NTRK3: variants seen among roughly 807,000 people sequenced by gnomAD.
The protein encoded by NTRK3 is NT-3 growth factor receptor.
In NTRK3, 24 loss-of-function variants were observed where a neutral mutation model predicts 91.7. The ratio of observed to expected loss-of-function variants is 0.26; its 90% confidence interval spans 0.19 to 0.37. The LOEUF (loss-of-function observed/expected upper bound fraction) is 0.37, where lower values mean the gene tolerates loss of function less well. NTRK3 is among the 10% of genes least tolerant of loss of function. The pLI, the probability that NTRK3 is intolerant of heterozygous loss-of-function variation, is 1.00. For synonymous variants in NTRK3, 483 were observed against 404.0 expected (o/e 1.20, Z -2.34); for missense variants, 880 against 1,068.9 (o/e 0.82, Z 2.46).
intron 5 of NTRK3, among the ~76,000 whole-genome samples, chr15:88,153,859 G>T (rs2043631161): frequency 6.6e-6 from 1 of 151,686 alleles, no homozygotes; most frequent in African/African-American, 2.4e-5. Context: ...ACCTCCCAAA[G>T]GCCCTGCCTC....
chr15:88,083,684 G>A (rs1391973663), intron 13 of NTRK3, among the ~76,000 whole-genome samples: 1 of 152,194 alleles, frequency 6.6e-6, no homozygotes, highest in East Asian at 1.9e-4. Context: ...CACCCCGCTG[G>A]CTCAAAGTCA....
chr15:88,208,729 G>A (rs1597964294), intron 3 of NTRK3, among the ~76,000 whole-genome samples: 1 of 152,198 alleles, frequency 6.6e-6, no homozygotes, highest in South Asian at 2.1e-4. Flanking sequence ...GTGGTAAGCT[G>A]AAGCAGTCAA....
chr15:88,256,423 C>T lies in NTRK3; in HGVS notation c.-155G>A, dbSNP rs541873923. ...GGTCTGCCGGGCATGGTGGCCGGCT[C>T]GGCGATCGCTGACTCGCCGGGTCCG... is the stretch of plus-strand genomic sequence containing the variant. On this transcript the variant is annotated 5_prime_UTR_variant, in exon 2 of 19. Transcript: ENST00000394480. The T allele has an allele frequency of 3.7e-4, 201 of 541,696 alleles. No homozygotes were observed. The African/African-American group carries it at 3.8e-3, about 10-fold the overall frequency. 33.6% of individuals were successfully genotyped at this position (541,696 alleles called of 1,614,324 possible). A position where few individuals can be genotyped will look rare whatever the true frequency, so the allele number is the denominator to read the frequency against.
intron 13 of NTRK3, among the ~76,000 whole-genome samples, chr15:88,066,230 G>T (rs951070882): frequency 6.6e-6 from 1 of 152,152 alleles, no homozygotes; most frequent in East Asian, 1.9e-4. Flanking sequence ...CAATGGGCAC[G>T]TCAGACATGT....
chr15:87,873,785 C>T (rs898045266), exon 19 of NTRK3: 7 of 231,790 alleles, frequency 3.0e-5, no homozygotes, highest in African/African-American at 1.5e-4. Context: ...ACCAAATGCT[C>T]CCCTCCTGGC....
At chr15:87,903,505 G>C (rs1260542333) in intron 17 of NTRK3, among the ~76,000 whole-genome samples, 1 of 152,148 alleles carries the variant, frequency 6.6e-6, no homozygotes, top group Non-Finnish European at 1.5e-5. Flanking sequence ...TGTTCTAGGG[G>C]CTTGCTCTGC....
In NTRK3 at chr15:88,101,611, C is replaced by A. The variant is rs145634643; in HGVS notation, c.1396+24660G>T. Among the ~76,000 whole-genome samples, 44 of 152,312 alleles carry A rather than the reference C, an allele frequency of 2.9e-4. No individual in the cohort carries two copies. In the East Asian group the frequency reaches 7.3e-3, roughly 25 times the overall value. On this transcript the variant is annotated intron_variant, in intron 13 of 18. Coordinates refer to ENST00000394480, the Ensembl canonical transcript of NTRK3. Reference sequence around the variant, plus strand: ...TATTCACAATAGCAAAGACTTGCAACCAACCCAAATGTCCAACAATGATAG... The same window carrying A: ...TATTCACAATAGCAAAGACTTGCAAACAACCCAAATGTCCAACAATGATAG...
rs542522578 is a variant in NTRK3 at position 87,914,693 on chromosome 15, T to C, written c.2133+14498A>G. 2.6e-5 allele frequency among the ~76,000 whole-genome samples: 4 copies of C among 152,122 alleles called. No individual in the cohort carries two copies. In the South Asian group the frequency reaches 8.3e-4, roughly 32 times the overall value. On this transcript the variant is annotated intron_variant, in intron 17 of 18. Transcript: ENST00000394480. ...GTGTCTCAGGATGTGAAAAAATAAATACAAAGATCAGGAAGTTGGGGATTG... is the reference window on the plus strand; with the variant it reads ...GTGTCTCAGGATGTGAAAAAATAAACACAAAGATCAGGAAGTTGGGGATTG...
intron 14 of NTRK3, among the ~76,000 whole-genome samples, chr15:88,007,094 G>A (rs114071287): frequency 1.8e-4 from 28 of 152,194 alleles, no homozygotes; most frequent in African/African-American, 6.7e-4. Flanking sequence ...CATGACCCCC[G>A]GCCTCCAAAA....
intron 5 of NTRK3, among the ~76,000 whole-genome samples, chr15:88,173,040 T>G (rs2045663602): frequency 6.6e-6 from 1 of 152,168 alleles, no homozygotes; most frequent in Non-Finnish European, 1.5e-5. Context: ...GCTTGGTGAA[T>G]TCTGCGGTGC....
rs74027791 is a variant in NTRK3 at position 88,175,960 on chromosome 15, G to A, written c.395+7458C>T. On this transcript the variant is annotated intron_variant, in intron 5 of 18. Coordinates refer to ENST00000394480, the Ensembl canonical transcript of NTRK3. Reference sequence around the variant, plus strand: ...AGCTTAAGCAGGATGTTTGATGGAAGCTCTGAGCAAGAAGAACTGAATGAG... The same window carrying A: ...AGCTTAAGCAGGATGTTTGATGGAAACTCTGAGCAAGAAGAACTGAATGAG... Among the ~76,000 whole-genome samples the A allele has an allele frequency of 8.4e-3, 1,277 of 152,234 alleles. 23 individuals carry two copies. The highest frequency in any genetic ancestry group is 0.029 in the African/African-American group (1,218 of 41,526).
intron 13 of NTRK3, among the ~76,000 whole-genome samples, chr15:88,078,737 T>A (rs2047778879): frequency 6.6e-6 from 1 of 152,066 alleles, no homozygotes; most frequent in Admixed American, 6.6e-5. Flanking sequence ...GGACCTAAGC[T>A]CAGCAGGGGA....
chr15:88,029,330 C>T (rs940627212), intron 14 of NTRK3, among the ~76,000 whole-genome samples: 1 of 152,140 alleles, frequency 6.6e-6, no homozygotes, highest in African/African-American at 2.4e-5. Context: ...GGGATTGTAC[C>T]AGGTGATCTC....
At chr15:88,078,234 G>C (rs1364986632) in intron 13 of NTRK3, among the ~76,000 whole-genome samples, 1 of 152,170 alleles carries the variant, frequency 6.6e-6, no homozygotes, top group African/African-American at 2.4e-5. Context: ...GTATGTTCTG[G>C]GGGTAGAGGT....
At chr15:88,095,055 G>C (rs1221869262) in intron 13 of NTRK3, among the ~76,000 whole-genome samples, 1 of 152,178 alleles carries the variant, frequency 6.6e-6, no homozygotes, top group East Asian at 1.9e-4. Context: ...ATGGCACTCT[G>C]GCGGACACCA....
intron 13 of NTRK3, among the ~76,000 whole-genome samples, chr15:88,117,063 G>A (rs2052175511): frequency 6.6e-6 from 1 of 152,170 alleles, no homozygotes; most frequent in Non-Finnish European, 1.5e-5. Context: ...AATCACCAGA[G>A]GAAGTAAAAA....
At chr15:87,921,640 T>C (rs2067882430) in intron 17 of NTRK3, among the ~76,000 whole-genome samples, 1 of 152,152 alleles carries the variant, frequency 6.6e-6, no homozygotes, top group South Asian at 2.1e-4. Flanking sequence ...GAGTAACAGG[T>C]CTAATGCAGA....
chr15:87,934,932 G>T (rs773456660), intron 15 of NTRK3, among the ~76,000 whole-genome samples: 17 of 152,022 alleles, frequency 1.1e-4, no homozygotes, highest in African/African-American at 2.7e-4. Flanking sequence ...AAATTTGGAG[G>T]CTTCATAAAA....
intron 3 of NTRK3, among the ~76,000 whole-genome samples, chr15:88,188,429 G>C (rs369825807): frequency 6.6e-5 from 10 of 152,190 alleles, no homozygotes; most frequent in East Asian, 5.8e-4. Flanking sequence ...AGAGATTAGA[G>C]ATGTTGCTAA....
Sources: gnomAD v4.1 joint callset for allele counts (sites outside exome capture counted in the v4.1 genomes callset) on GRCh38, gnomAD v4.1.1 for gene constraint, MANE v1.5 for transcripts, NCBI Gene and HGNC (gene_info 2026-07-23, HGNC 2026-07-21) for gene names.